The following TRMO variants were observed in gnomAD, a reference collection of about 807,000 sequenced individuals.
TRMO encodes tRNA (adenine(37)-N6)-methyltransferase.
Under a neutral mutation model 37.2 loss-of-function variants are expected in TRMO, and 30 were observed. That is an observed-to-expected ratio of 0.81 (90% confidence interval 0.60 to 1.09). The LOEUF (loss-of-function observed/expected upper bound fraction) is 1.09, where lower values mean the gene tolerates loss of function less well. Among genes scored for constraint, TRMO ranks in the 50% least tolerant of loss-of-function variants. The pLI, the probability that TRMO is intolerant of heterozygous loss-of-function variation, is 0.00. For synonymous variants in TRMO, 239 were observed against 199.4 expected, an observed-to-expected ratio of 1.20 and a Z score of -1.67; for missense variants, 552 against 549.5, an observed-to-expected ratio of 1.00 and a Z score of -0.05.
At position 97,910,000 on chromosome 9, in the gene TRMO, A is replaced by C; in HGVS notation, c.1026T>G (p.Thr342=). ...APVATLEVRF[T]PHAEMDLGQL... ...GCCCAAGGTCCATCTCGGCATGAGGAGTAAACCGCACTTCTAAAGTGGCCA... is the reference window on the plus strand; with the variant it reads ...GCCCAAGGTCCATCTCGGCATGAGGCGTAAACCGCACTTCTAAAGTGGCCA... Residue 342 remains threonine (T), a synonymous_variant, in exon 4 of 5, where the codon ACT becomes ACG. Transcript: ENST00000375119. The C allele has an allele frequency of 1.3e-6, 2 of 1,580,648 alleles. No homozygotes were observed. Among genetic ancestry groups the C allele is most frequent in the South Asian group, 2.3e-5 (2 of 86,666 alleles).
downstream of TRMO, among the ~76,000 whole-genome samples, chr9:97,904,107 AG>A (rs1272325814): frequency 6.6e-6 from 1 of 152,160 alleles, no homozygotes; most frequent in East Asian, 1.9e-4. Flanking sequence ...ACAAAAAAAC[AG>A]TAACAATTTT....
At chr9:97,897,016 A>G in the TRMO span, among the ~76,000 whole-genome samples, 1 of 152,272 alleles carries the variant, frequency 6.6e-6, no homozygotes, top group Non-Finnish European at 1.5e-5. Flanking sequence ...CACTGTTAGC[A>G]TATTTTTGTT....
rs763559877 is a variant in TRMO, at chr9:97,904,941, C to T, written c.1118G>A (p.Arg373His). The change falls in exon 5 of 5, where the codon CGT becomes CAT. Residue 373 changes from arginine (R) to histidine (H), a missense_variant. Physicochemically the swap from Arg to His is conservative, Grantham distance 29 (BLOSUM62 0). Transcript: ENST00000375119. ...CGCTGACAGCACAGCCTCAATGGCA[C>T]GCTTTGCTTCCTCTGCTGACTGAAA... ...KYFQSAEEAK[R>H]AIEAVLSADP... is the part of the protein sequence containing the mutation. 1.7e-5 allele frequency: 28 copies of T among 1,614,040 alleles called. No homozygotes were observed. The highest frequency in any genetic ancestry group is 2.2e-5 in the Non-Finnish European group (26 of 1,179,998).
chr9:97,905,971 T>C (rs991172678), intron 4 of TRMO, among the ~76,000 whole-genome samples: 3 of 152,010 alleles, frequency 2.0e-5, no homozygotes, highest in African/African-American at 7.3e-5. Context: ...CTGACCAACA[T>C]GGTGAAACGC....
intron 4 of TRMO, among the ~76,000 whole-genome samples, chr9:97,909,683 A>C (rs1192374787): frequency 2.0e-5 from 3 of 152,226 alleles, no homozygotes; most frequent in Non-Finnish European, 4.4e-5. Context: ...TACTGTAGCA[A>C]GTAGACAAGG....
chr9:97,908,395 G>C lies in TRMO; in HGVS notation c.1066+1565C>G, dbSNP rs572802716. On this transcript the variant is annotated intron_variant, in intron 4 of 4. Coordinates refer to ENST00000375119, the MANE Select transcript of TRMO (RefSeq NM_016481.5). Reference sequence around the variant, plus strand: ...CCATTGCACTCCAGCCTGGGCGACAGAGCGAGACTCCGTCTCAAAAAAAAA... The same window carrying C: ...CCATTGCACTCCAGCCTGGGCGACACAGCGAGACTCCGTCTCAAAAAAAAA... Among the ~76,000 whole-genome samples, 33 of 139,648 alleles carry C rather than the reference G, an allele frequency of 2.4e-4. No homozygotes were observed. The South Asian group carries it at 4.5e-3, about 19-fold the overall frequency. The allele number at this position is 139,648 out of a possible 152,430, so 91.6% of individuals were successfully genotyped here. A position where few individuals can be genotyped will look rare whatever the true frequency, so the allele number is the denominator to read the frequency against.
the TRMO span, among the ~76,000 whole-genome samples, chr9:97,897,201 T>C: frequency 6.6e-6 from 1 of 152,250 alleles, no homozygotes; most frequent in Non-Finnish European, 1.5e-5. Flanking sequence ...CTTAGAAGCA[T>C]GTGATATCCC....
downstream of TRMO, among the ~76,000 whole-genome samples, chr9:97,902,325 G>C (rs1350410866): frequency 6.6e-6 from 1 of 152,144 alleles, no homozygotes; most frequent in East Asian, 1.9e-4. Context: ...TTTTGAGACA[G>C]GGTCTCACTC....
At chr9:97,913,857 G>T in intron 2 of TRMO, 1 of 283,172 alleles carries the variant, frequency 3.5e-6, no homozygotes, top group Non-Finnish European at 6.7e-6. Flanking sequence ...TCTGCTGTTT[G>T]CCAGGTAGTA....
chr9:97,913,091 A>C, intron 3 of TRMO: 1 of 496,908 alleles, frequency 2.0e-6, no homozygotes, highest in Non-Finnish European at 3.7e-6. Flanking sequence ...TTTTGTATTT[A>C]CTGCATTCCA....
chr9:97,918,362 A>G lies in TRMO; in HGVS notation c.77-2024T>C, dbSNP rs1262501110. Among the ~76,000 whole-genome samples the G allele has an allele frequency of 4.0e-5, 6 of 150,674 alleles. No homozygotes were observed. The East Asian group carries it at 1.2e-3, about 29-fold the overall frequency. On this transcript the variant is annotated intron_variant, in intron 1 of 4. Coordinates refer to ENST00000375119, the MANE Select transcript of TRMO (RefSeq NM_016481.5). Reference sequence around the variant, plus strand: ...GCCAAGATCACGCCACTGCACTCCAACCTAGGTGAGCGAGACTCCATCTCA... The same window carrying G: ...GCCAAGATCACGCCACTGCACTCCAGCCTAGGTGAGCGAGACTCCATCTCA...
chr9:97,914,264 T>C (rs891397409), intron 2 of TRMO, among the ~76,000 whole-genome samples: 1 of 152,176 alleles, frequency 6.6e-6, no homozygotes, highest in Admixed American at 6.5e-5. Context: ...AAATGGCAAG[T>C]AGCTAAGAAC....
Position 97,913,455 on chromosome 9 carries a change from G to A in TRMO, c.355C>T (p.Pro119Ser). 1 of 1,613,904 alleles carries A rather than the reference G, an allele frequency of 6.2e-7. No homozygotes were observed. Among genetic ancestry groups the A allele is most frequent in the Non-Finnish European group, 8.5e-7 (1 of 1,179,890 alleles). The change falls in exon 3 of 5, where the codon CCT (proline) becomes TCT (serine). Residue 119 changes from proline (P) to serine (S), a missense_variant. Transcript: ENST00000375119. ...AGTCCTATTGCATTGGGACGATGAG[G>A]GCTCCTTGTGGAAAAAACTCCAGTC... is the stretch of plus-strand genomic sequence containing the variant. ...AKTGVFSTRS[P>S]HRPNAIGLTL...
In TRMO at chr9:97,913,401, C is replaced by T; in HGVS notation, c.409G>A (p.Gly137Ser). 1 of 1,613,752 alleles carries T rather than the reference C, an allele frequency of 6.2e-7. No individual in the cohort carries two copies. Among genetic ancestry groups the T allele is most frequent in the Non-Finnish European group, 8.5e-7 (1 of 1,179,896 alleles). The change falls in exon 3 of 5, where the codon GGT (glycine) becomes AGT (serine). Residue 137 changes from glycine (G) to serine (S), a missense_variant and splice_region_variant. By Grantham distance (56) the Gly-to-Ser change is moderately conservative. Coordinates refer to ENST00000375119, the MANE Select transcript of TRMO (RefSeq NM_016481.5). ...TAAAAGTAGAAATGAAATGGGTTAC[C>T]TTCTACCTTTTCCAGCTTGGCCAGG... is the stretch of plus-strand genomic sequence containing the variant. ...LTLAKLEKVE[G>S]GAIYLSGIDM...
At chr9:97,917,845 ATTTT>A (rs112794003) in intron 1 of TRMO, among the ~76,000 whole-genome samples, 1 of 134,292 alleles carries the variant, frequency 7.4e-6, no homozygotes. Flanking sequence ...TGCCCATCTA[ATTTT>A]TTTTTTTTTT....
chr9:97,907,523 GC>G (rs1455525251), intron 4 of TRMO, among the ~76,000 whole-genome samples: 1 of 152,100 alleles, frequency 6.6e-6, no homozygotes, highest in Admixed American at 6.5e-5. Flanking sequence ...GGTTGTGTAA[GC>G]CTTTATTTTC....
At chr9:97,901,847 A>G (rs1831176375), downstream of TRMO, among the ~76,000 whole-genome samples, 1 of 151,910 alleles carries the variant, frequency 6.6e-6, no homozygotes, top group Non-Finnish European at 1.5e-5. Context: ...TTGTGCTTCT[A>G]TTTCTCTCTG....
chr9:97,917,433 C>T lies in TRMO; in HGVS notation c.77-1095G>A, dbSNP rs111791686. Among the ~76,000 whole-genome samples the T allele has an allele frequency of 6.3e-3, 958 of 152,282 alleles. 15 individuals are homozygous for T. Among genetic ancestry groups the T allele is most frequent in the African/African-American group, 0.022 (910 of 41,558 alleles). ...GGCAGTTTTTCTGTCTCATTTATCG[C>T]TGCATTCTCATTGTCTAGTACATTG... On this transcript the variant is annotated intron_variant, in intron 1 of 4. Transcript: ENST00000375119.
chr9:97,899,938 A>G (rs918909250), downstream of TRMO, among the ~76,000 whole-genome samples: 4 of 152,048 alleles, frequency 2.6e-5, no homozygotes. Flanking sequence ...GCATGGTGGC[A>G]AACAGTTACT....
Sources: allele counts gnomAD v4.1 joint callset (sites outside exome capture counted in the v4.1 genomes callset), GRCh38; gene constraint gnomAD v4.1.1; transcripts MANE v1.5; gene names NCBI Gene and HGNC (gene_info 2026-07-23, HGNC 2026-07-21).